Variants in SLC22A16 observed in about 807,000 individuals in gnomAD.
The protein encoded by SLC22A16 is WUGSC:RG331P03.1.
A neutral mutation model predicts 52.9 loss-of-function variants in SLC22A16; 53 were observed. The ratio of observed to expected loss-of-function variants is 1.00; its 90% CI spans 0.80 to 1.26. The LOEUF (loss-of-function observed/expected upper bound fraction) is 1.26. Among genes scored for constraint, SLC22A16 ranks in the 50% most tolerant of loss-of-function variants. SLC22A16 has a pLI of 0.00. For missense variants in SLC22A16, 726 were observed against 704.0 expected (o/e 1.03, Z -0.35); for synonymous variants, 291 against 268.8 (o/e 1.08, Z -0.81).
chr6:110,435,802 A>T (rs771418505), intron 6 of SLC22A16, 50 bp downstream of exon 6: 1 of 1,358,168 alleles, frequency 7.4e-7, no homozygotes, highest in South Asian at 1.3e-5. Context: ...ATGAAATGAC[A>T]CACAAGTGAA....
At chr6:110,476,178 C>G (rs1202620077) in intron 1 of SLC22A16, 2 of 494,448 alleles carry the variant, frequency 4.0e-6, no homozygotes, top group Non-Finnish European at 6.8e-6. Context: ...CACAGGCACC[C>G]CCTACGAGTG....
At chr6:110,425,823 C>A (rs2114867142) in intron 7 of SLC22A16, among the ~76,000 whole-genome samples, 1 of 152,350 alleles carries the variant, frequency 6.6e-6, no homozygotes, top group Non-Finnish European at 1.5e-5. Context: ...CATGAAGATG[C>A]TGGGTGGTTT....
Position 110,476,605 on chromosome 6 carries a change from C to A in SLC22A16, c.-31G>T. On this transcript the variant is annotated 5_prime_UTR_variant, in exon 1 of 8. Coordinates refer to ENST00000368919, the MANE Select transcript of SLC22A16 (RefSeq NM_033125.4). ...GGCCGTGCACTGGGCGCCGAGTTAG[C>A]CGAGCTCCGGGGACTGCGGGTAGCG... The A allele has an allele frequency of 6.6e-7, 1 of 1,522,218 alleles. No homozygotes were observed. The highest frequency in any genetic ancestry group is 8.8e-7 in the Non-Finnish European group (1 of 1,136,038). 94.3% of individuals were successfully genotyped at this position (1,522,218 alleles called of 1,614,324 possible).
At chr6:110,447,795 A>G (rs146017755) in intron 2 of SLC22A16, among the ~76,000 whole-genome samples, 150 of 152,294 alleles carry the variant, frequency 9.8e-4, no homozygotes, top group Non-Finnish European at 1.8e-3. Context: ...TTTCCCTAGC[A>G]TTAGATTTTC....
chr6:110,462,670 A>C (rs1211072732), intron 1 of SLC22A16, among the ~76,000 whole-genome samples: 1 of 152,174 alleles, frequency 6.6e-6, no homozygotes, highest in Non-Finnish European at 1.5e-5. Context: ...TAATCCTGAG[A>C]GAGAAGAAGA....
At chr6:110,456,498 AC>A in intron 2 of SLC22A16, 39 bp downstream of exon 2, 1 of 1,603,088 alleles carries the variant, frequency 6.2e-7, no homozygotes, top group South Asian at 1.1e-5. Context: ...AGGAAAATAA[AC>A]CCTACACTGA....
At chr6:110,442,881 A>T in intron 3 of SLC22A16, 106 bp from the exon 4 acceptor site, 1 of 1,025,412 alleles carries the variant, frequency 9.8e-7, no homozygotes, top group Non-Finnish European at 1.4e-6. Context: ...AATGACAAAG[A>T]CTTGCTTTCT....
chr6:110,427,260 A>AAAAAAAAAAAAAAAAAAAAAG (rs538137410), intron 7 of SLC22A16, among the ~76,000 whole-genome samples: 2 of 137,944 alleles, frequency 1.4e-5, no homozygotes, highest in Admixed American at 7.5e-5. Flanking sequence ...AAAAAAAAAA[A>AAAAAAAAAAAAAAAAAAAAAG]AAAAGAAAAA....
intron 3 of SLC22A16, among the ~76,000 whole-genome samples, chr6:110,445,913 A>G (rs1775153213): frequency 6.6e-6 from 1 of 152,050 alleles, no homozygotes; most frequent in African/African-American, 2.4e-5. Flanking sequence ...TTACTTTTTA[A>G]TGAGGTACAA....
chr6:110,447,873 T>C (rs1402118103), intron 2 of SLC22A16, among the ~76,000 whole-genome samples: 1 of 152,246 alleles, frequency 6.6e-6, no homozygotes, highest in Non-Finnish European at 1.5e-5. Flanking sequence ...AGCACCATTA[T>C]ACGGATAAAC....
chr6:110,474,789 T>C (rs1401096288), intron 1 of SLC22A16: 23 of 399,040 alleles, frequency 5.8e-5, no homozygotes, highest in Non-Finnish European at 1.5e-5. Flanking sequence ...GCACAGATCC[T>C]GCTGTGGGCA....
chr6:110,459,285 A>G (rs1367386025), intron 1 of SLC22A16, among the ~76,000 whole-genome samples: 1 of 152,166 alleles, frequency 6.6e-6, no homozygotes, highest in African/African-American at 2.4e-5. Flanking sequence ...ACAGTGGGGA[A>G]ACCTAGAAAC....
chr6:110,429,606 T>C (rs1462444557), intron 7 of SLC22A16, among the ~76,000 whole-genome samples: 1 of 152,162 alleles, frequency 6.6e-6, no homozygotes, highest in Non-Finnish European at 1.5e-5. Context: ...GCACACAAGC[T>C]GAGGGAAACA....
intron 6 of SLC22A16, 94 bp from the exon 7 acceptor site, chr6:110,431,364 A>G (rs1230958910): frequency 9.4e-7 from 1 of 1,069,204 alleles, no homozygotes; most frequent in Non-Finnish European, 1.4e-6. Context: ...CACGCTCCCC[A>G]GCAAGGATAA....
chr6:110,453,898 C>T (rs1031295619), intron 2 of SLC22A16, among the ~76,000 whole-genome samples: 7 of 152,138 alleles, frequency 4.6e-5, no homozygotes, highest in African/African-American at 1.7e-4. Context: ...AAAGGTGAAG[C>T]AGACACATGT....
chr6:110,427,270 A>G lies in SLC22A16; in HGVS notation c.1522-2185T>C, dbSNP rs149334182. The stretch of plus-strand genomic sequence containing the variant: ...CTCAAAAAAAAAAAAAAAAAGAAAA[A>G]AAAGAAAGAAAGAAAGAAAAAGAAA... On this transcript the variant is annotated intron_variant, in intron 7 of 7. Transcript: ENST00000368919. Among the ~76,000 whole-genome samples the G allele has an allele frequency of 1.2e-4, 17 of 139,446 alleles. No individual in the cohort carries two copies. The East Asian group carries it at 3.1e-3, about 25-fold the overall frequency. 91.5% of individuals were successfully genotyped at this position (139,446 alleles called of 152,430 possible).
chr6:110,435,912 A>AT lies in SLC22A16; in HGVS notation c.1360dup (p.Ile454AsnfsTer14). 1.9e-6 allele frequency: 3 copies of AT among 1,614,110 alleles called. No homozygotes were observed. Among genetic ancestry groups the AT allele is most frequent in the African/African-American group, 2.7e-5 (2 of 75,058 alleles). ...ATAAATGAGGCCAAATGCTGCCCCG[A>AT]TGGCAAATTTTCCAACCATAGCTGT... On this transcript the variant is annotated frameshift_variant, in exon 6 of 8. Transcript: ENST00000368919. LOFTEE classifies it high-confidence loss of function.
rs1774487289 is a variant in SLC22A16, at chr6:110,431,212, A to G, written c.1480T>C (p.Phe494Leu). Residue 494 changes from phenylalanine to leucine, a missense_variant, in exon 7 of 8, where the codon TTC becomes CTC. Transcript: ENST00000368919. ...VCRLASILAP[F>L]SVDLSSIWIF... ...CAAATGCTGCTGAGGTCCACAGAGA[A>G]CGGCGCCAGGATGCTGGCCAGGCGA... is the stretch of plus-strand genomic sequence containing the variant. 2 of 1,613,800 alleles carry G rather than the reference A, an allele frequency of 1.2e-6. No individual in the cohort carries two copies. Among genetic ancestry groups the G allele is most frequent in the Non-Finnish European group, 1.7e-6 (2 of 1,179,986 alleles).
chr6:110,475,211 G>A (rs1776419337), intron 1 of SLC22A16, among the ~76,000 whole-genome samples: 1 of 152,162 alleles, frequency 6.6e-6, no homozygotes, highest in African/African-American at 2.4e-5. Flanking sequence ...CTGAGGAGCC[G>A]TCACCTAACC....
Sources: allele counts gnomAD v4.1 joint callset (sites outside exome capture counted in the v4.1 genomes callset), GRCh38; gene constraint gnomAD v4.1.1; transcripts MANE v1.5; gene names NCBI Gene and HGNC (gene_info 2026-07-23, HGNC 2026-07-21).